TLCD4: variants seen among roughly 807,000 people sequenced by gnomAD.
The protein encoded by TLCD4 is TLC domain-containing protein 4.
In TLCD4, 7 loss-of-function variants were observed where a neutral mutation model predicts 24.2. The ratio of observed to expected loss-of-function variants is 0.29; its 90% CI spans 0.16 to 0.54. TLCD4 has a LOEUF of 0.54. Ranked by LOEUF, TLCD4 falls within the 20% of genes least tolerant of loss-of-function variation. TLCD4 has a pLI of 0.95. For synonymous variants in TLCD4, 103 were observed against 106.4 expected, an observed-to-expected ratio of 0.97 and a Z score of 0.20; for missense variants, 259 against 313.9, an observed-to-expected ratio of 0.82 and a Z score of 1.32.
intron 6 of TLCD4, among the ~76,000 whole-genome samples, chr1:95,190,645 C>A (rs944647986): frequency 1.3e-5 from 2 of 151,582 alleles, no homozygotes; most frequent in Admixed American, 6.6e-5. Flanking sequence ...TGGTTTCAAA[C>A]CCCTGACCTC....
intron 2 of TLCD4, among the ~76,000 whole-genome samples, chr1:95,145,303 T>C (rs190517390): frequency 2.0e-5 from 3 of 152,344 alleles, no homozygotes; most frequent in Non-Finnish European, 4.4e-5. Flanking sequence ...TGAGTATTTA[T>C]TTGAGAATGG....
chr1:95,162,694 G>T (rs1002361001), intron 5 of TLCD4, among the ~76,000 whole-genome samples: 1 of 149,588 alleles, frequency 6.7e-6, no homozygotes, highest in African/African-American at 2.4e-5. Context: ...TAAGGCAGGC[G>T]TGGTGGTGAC....
At chr1:95,128,243 T>C (rs1330668563) in intron 1 of TLCD4, among the ~76,000 whole-genome samples, 1 of 152,126 alleles carries the variant, frequency 6.6e-6, no homozygotes, top group Non-Finnish European at 1.5e-5. Flanking sequence ...GCAGAGGAGC[T>C]GAAGGGAGAG....
intron 2 of TLCD4, among the ~76,000 whole-genome samples, chr1:95,145,405 G>GT (rs909300944): frequency 3.5e-4 from 53 of 150,682 alleles, no homozygotes; most frequent in Non-Finnish European, 5.3e-4. Context: ...GACTCTAGTT[G>GT]TTTTTTTTTG....
intron 6 of TLCD4, 71 bp downstream of exon 6, chr1:95,173,960 C>T (rs1226218589): frequency 3.8e-6 from 6 of 1,589,400 alleles, no homozygotes; most frequent in East Asian, 2.2e-5. Context: ...ATCCTTTTCC[C>T]GTGATCCTCA....
At chr1:95,157,767 T>A (rs1037087104) in intron 5 of TLCD4, among the ~76,000 whole-genome samples, 4 of 152,152 alleles carry the variant, frequency 2.6e-5, no homozygotes, top group Non-Finnish European at 5.9e-5. Context: ...CAAGAGTAAT[T>A]GTTCCAAGAG....
At chr1:95,103,441 A>G in the TLCD4 span, among the ~76,000 whole-genome samples, 1 of 152,180 alleles carries the variant, frequency 6.6e-6, no homozygotes, top group Non-Finnish European at 1.5e-5. Context: ...AGTTGGGGAG[A>G]ATCGTGAAAT....
the TLCD4 span, among the ~76,000 whole-genome samples, chr1:95,102,985 A>T: frequency 2.7e-3 from 409 of 149,566 alleles, no homozygotes; most frequent in African/African-American, 8.3e-3. Context: ...TAAAAAAAAA[A>T]TTTTTTTTTT....
At chr1:95,132,454 CTCA>C (rs1676923391) in intron 1 of TLCD4, among the ~76,000 whole-genome samples, 1 of 29,714 alleles carries the variant, frequency 3.4e-5, no homozygotes. Context: ...GAGACTCCAA[CTCA>C]AAAAAAAAAA....
the TLCD4 span, among the ~76,000 whole-genome samples, chr1:95,102,713 A>G: frequency 2.6e-5 from 4 of 152,192 alleles, no homozygotes; most frequent in African/African-American, 9.6e-5. Context: ...AAGGTAGGTA[A>G]GAACCTGGAG....
intron 5 of TLCD4, among the ~76,000 whole-genome samples, chr1:95,170,455 G>A (rs932767675): frequency 1.5e-4 from 23 of 150,164 alleles, no homozygotes; most frequent in Non-Finnish European, 3.2e-4. Flanking sequence ...TCAGTCTCCC[G>A]AGTAGCTGGG....
At position 95,195,169 on chromosome 1, in the gene TLCD4, ATTGTATAT is replaced by A. The variant is rs1679156433; in HGVS notation, c.*3304_*3311del. ...TTTTTGCTACAGGGTCAACTTTTAAATTGTATATTTCCTCTGAGGCACACTGGGCATTT... is the reference window on the plus strand; with the variant it reads ...TTTTTGCTACAGGGTCAACTTTTAAATTCCTCTGAGGCACACTGGGCATTT... On this transcript the variant is annotated 3_prime_UTR_variant, in exon 7 of 7. Transcript: ENST00000370203. The A allele has an allele frequency of 6.6e-6, 1 of 152,132 alleles. No homozygotes were observed. Among genetic ancestry groups the A allele is most frequent in the African/African-American group, 2.4e-5 (1 of 41,452 alleles). 9.4% of individuals were successfully genotyped at this position (152,132 alleles called of 1,614,324 possible). A position where few individuals can be genotyped will look rare whatever the true frequency, so the allele number is the denominator to read the frequency against.
At chr1:95,161,116 G>C (rs1677783465) in intron 5 of TLCD4, among the ~76,000 whole-genome samples, 2 of 152,204 alleles carry the variant, frequency 1.3e-5, no homozygotes. Flanking sequence ...GAATTCGGCT[G>C]TGGATCCGTC....
chr1:95,106,011 G>A, the TLCD4 span, among the ~76,000 whole-genome samples: 5 of 152,208 alleles, frequency 3.3e-5, no homozygotes, highest in Admixed American at 1.3e-4. Context: ...TGCTTCTGTG[G>A]GACGAGGAGG....
At chr1:95,162,588 T>C (rs561525144) in intron 5 of TLCD4, among the ~76,000 whole-genome samples, 112 of 152,378 alleles carry the variant, frequency 7.4e-4, no homozygotes, top group African/African-American at 2.5e-3. Context: ...TACAGTTTCT[T>C]CATAGCATCG....
intron 1 of TLCD4, among the ~76,000 whole-genome samples, chr1:95,124,896 A>G (rs1171811605): frequency 6.6e-6 from 1 of 152,154 alleles, no homozygotes; most frequent in African/African-American, 2.4e-5. Flanking sequence ...TACTTGGTCC[A>G]CACAACAAGG....
intron 2 of TLCD4, among the ~76,000 whole-genome samples, chr1:95,147,076 ATT>A (rs573911821): frequency 4.2e-5 from 6 of 144,398 alleles, no homozygotes; most frequent in Non-Finnish European, 6.1e-5. Context: ...AAGGAATTTA[ATT>A]TTTTTTTTTT....
intron 6 of TLCD4, among the ~76,000 whole-genome samples, chr1:95,182,184 TTC>T (rs1294821987): frequency 6.6e-6 from 1 of 152,210 alleles, no homozygotes; most frequent in African/African-American, 2.4e-5. Context: ...TCAGTTGCTT[TTC>T]TTTATGTGAC....
intron 1 of TLCD4, among the ~76,000 whole-genome samples, chr1:95,135,913 G>A (rs756163435): frequency 2.6e-5 from 4 of 152,016 alleles, no homozygotes; most frequent in Non-Finnish European, 5.9e-5. Context: ...TAGAGATGGG[G>A]TTTCACCATG....
Sources: gnomAD v4.1 joint callset for allele counts (sites outside exome capture counted in the v4.1 genomes callset) on GRCh38, gnomAD v4.1.1 for gene constraint, MANE v1.5 for transcripts, NCBI Gene and HGNC (gene_info 2026-07-23, HGNC 2026-07-21) for gene names.